Variants in GADL1 observed in about 807,000 individuals in gnomAD.
GADL1 encodes the protein acidic amino acid decarboxylase GADL1.
A neutral mutation model predicts 69.5 loss-of-function variants in GADL1; 71 were observed. The ratio of observed to expected loss-of-function variants is 1.02; its 90% CI spans 0.84 to 1.25. The LOEUF is 1.25. Among genes scored for constraint, GADL1 ranks in the 50% most tolerant of loss-of-function variants. GADL1 has a pLI of 0.00. For synonymous variants in GADL1, 254 were observed against 214.4 expected (o/e 1.18, Z -1.62); for missense variants, 737 against 631.8 (o/e 1.17, Z -1.79).
intron 14 of GADL1, among the ~76,000 whole-genome samples, chr3:30,775,082 C>T (rs954559139): frequency 1.3e-5 from 2 of 152,160 alleles, no homozygotes; most frequent in Admixed American, 6.5e-5. Flanking sequence ...GTCGTTGGAA[C>T]TCAGGCATCC....
intron 9 of GADL1, among the ~76,000 whole-genome samples, chr3:30,835,462 A>G (rs1301482265): frequency 6.6e-6 from 1 of 152,086 alleles, no homozygotes; most frequent in Non-Finnish European, 1.5e-5. Flanking sequence ...TCCTCAGAGT[A>G]TTACAAAATT....
rs150241016 is a variant in GADL1, at chr3:30,794,888, A to T, written c.1250+6001T>A. Among the ~76,000 whole-genome samples, 897 of 152,304 alleles carry T rather than the reference A, an allele frequency of 5.9e-3. 7 individuals carry two copies. The highest frequency in any genetic ancestry group is 0.02 in the Middle Eastern group (6 of 294). On this transcript the variant is annotated intron_variant, in intron 12 of 14. Transcript: ENST00000282538. ...AACTTCAAAGTTAAGCTCCATTTAG[A>T]TTCAGGAACATGGAAACATTATTTC...
intron 11 of GADL1, among the ~76,000 whole-genome samples, chr3:30,821,904 C>G (rs1697587101): frequency 6.6e-6 from 1 of 151,998 alleles, no homozygotes; most frequent in African/African-American, 2.4e-5. Flanking sequence ...CTTATCCAGT[C>G]TTCTGACCCT....
intron 6 of GADL1, among the ~76,000 whole-genome samples, chr3:30,847,903 C>A (rs1337470788): frequency 2.0e-5 from 3 of 152,180 alleles, no homozygotes; most frequent in Non-Finnish European, 4.4e-5. Flanking sequence ...CTGTTCTAGG[C>A]TTCCACGTAA....
At chr3:30,795,763 C>G (rs1013851412) in intron 12 of GADL1, among the ~76,000 whole-genome samples, 2 of 152,118 alleles carry the variant, frequency 1.3e-5, no homozygotes, top group Non-Finnish European at 2.9e-5. Flanking sequence ...AAATTACATG[C>G]CTCAAAGTAC....
At chr3:30,761,216 A>T (rs1178318352) in intron 14 of GADL1, among the ~76,000 whole-genome samples, 1 of 152,186 alleles carries the variant, frequency 6.6e-6, no homozygotes, top group East Asian at 1.9e-4. Flanking sequence ...CACATTATAT[A>T]TTGAGAGATG....
intron 11 of GADL1, among the ~76,000 whole-genome samples, chr3:30,823,059 T>C (rs556293233): frequency 3.5e-4 from 53 of 152,108 alleles, no homozygotes; most frequent in African/African-American, 1.2e-3. Context: ...TCCCACTGAA[T>C]ACAGCCAAGA....
intron 4 of GADL1, 120 bp from the exon 5 acceptor site, chr3:30,851,061 G>C: frequency 1.7e-6 from 1 of 575,848 alleles, no homozygotes; most frequent in Non-Finnish European, 3.1e-6. Flanking sequence ...GGCAGTCTTT[G>C]GAAATTTATC....
intron 1 of GADL1, among the ~76,000 whole-genome samples, chr3:30,873,197 G>A (rs116332440): frequency 9.2e-5 from 14 of 151,932 alleles, no homozygotes; most frequent in Non-Finnish European, 1.3e-4. Context: ...AAATATAATT[G>A]CACTTATAAA....
intron 14 of GADL1, among the ~76,000 whole-genome samples, chr3:30,728,778 C>T (rs1695408965): frequency 6.6e-6 from 1 of 151,974 alleles, no homozygotes; most frequent in South Asian, 2.1e-4. Context: ...TCATTAAAAA[C>T]AAATCAGGTG....
At position 30,786,388 on chromosome 3, in the gene GADL1, G is replaced by T; in HGVS notation, c.1269C>A (p.Ile423=). The change falls in exon 13 of 15, where the codon ATC becomes ATA. Residue 423 remains isoleucine (I), a synonymous_variant. Transcript: ENST00000282538. ...LALSRYLVDE[I]KKREGFKLLM... ...GTAACTTGAATCCTTCTCTTTTCTT[G>T]ATTTCATCTACTAGGTACCTAAAAT... The T allele has an allele frequency of 6.6e-7, 1 of 1,516,242 alleles. No individual in the cohort carries two copies. The highest frequency in any genetic ancestry group is 9.1e-7 in the Non-Finnish European group (1 of 1,093,164). The allele number at this position is 1,516,242 out of a possible 1,614,324, so 93.9% of individuals were successfully genotyped here. A position where few individuals can be genotyped will look rare whatever the true frequency, so the allele number is the denominator to read the frequency against.
chr3:30,784,601 C>T lies in GADL1; in HGVS notation c.1302+1754G>A, dbSNP rs78698435. ...GCTCTAGATTCTCTGGAAAGTATTT[C>T]CCAAACTTCCCTGAGGACTATTGTC... On this transcript the variant is annotated intron_variant, in intron 13 of 14. Transcript: ENST00000282538. 1.7e-3 allele frequency among the ~76,000 whole-genome samples: 266 copies of T among 152,252 alleles called. 2 individuals are homozygous for T. The highest frequency in any genetic ancestry group is 3.4e-3 in the Middle Eastern group (1 of 294).
At chr3:30,751,584 C>T (rs1296587145) in intron 14 of GADL1, among the ~76,000 whole-genome samples, 1 of 151,278 alleles carries the variant, frequency 6.6e-6, no homozygotes, top group African/African-American at 2.4e-5. Context: ...CTTTCTAGAA[C>T]TTGAGTGGAG....
intron 13 of GADL1, among the ~76,000 whole-genome samples, chr3:30,779,952 A>G (rs534811228): frequency 2.1e-4 from 32 of 152,320 alleles, no homozygotes; most frequent in Non-Finnish European, 4.1e-4. Context: ...GGTCTCCTAC[A>G]GAATCTGTGG....
intron 1 of GADL1, among the ~76,000 whole-genome samples, chr3:30,868,182 G>A (rs1314963176): frequency 6.6e-6 from 1 of 152,068 alleles, no homozygotes; most frequent in East Asian, 1.9e-4. Flanking sequence ...TTCTTCCACA[G>A]GACTGTAATC....
intron 14 of GADL1, among the ~76,000 whole-genome samples, chr3:30,770,894 A>G (rs1272213483): frequency 6.6e-6 from 1 of 152,242 alleles, no homozygotes; most frequent in African/African-American, 2.4e-5. Context: ...GCTTTTCTGG[A>G]GAGTTCAAGT....
At chr3:30,769,386 GCACACACA>G (rs142076789) in intron 14 of GADL1, among the ~76,000 whole-genome samples, 4 of 151,492 alleles carry the variant, frequency 2.6e-5, no homozygotes, top group Admixed American at 1.3e-4. Flanking sequence ...ATGCACACAC[GCACACACA>G]CACACCCAGA....
In GADL1 at chr3:30,750,774, T is replaced by G. The variant is rs543703752; in HGVS notation, c.1393-22359A>C. 9.8e-5 allele frequency among the ~76,000 whole-genome samples: 15 copies of G among 152,336 alleles called. No homozygotes were observed. The South Asian group carries it at 2.7e-3, about 27-fold the overall frequency. ...CTTCATATGGATTTCAATTCATATC[T>G]TCTTCAAACTAACTTATTTTCAGCT... On this transcript the variant is annotated intron_variant, in intron 14 of 14. Transcript: ENST00000282538.
At chr3:30,785,371 G>A (rs914919834) in intron 13 of GADL1, among the ~76,000 whole-genome samples, 2 of 138,284 alleles carry the variant, frequency 1.4e-5, no homozygotes, top group Middle Eastern at 7.1e-3. Context: ...AAAAAAGCTA[G>A]ATTTCTTTTT....
Sources: gnomAD v4.1 joint callset for allele counts (sites outside exome capture counted in the v4.1 genomes callset) on GRCh38, gnomAD v4.1.1 for gene constraint, MANE v1.5 for transcripts, NCBI Gene and HGNC (gene_info 2026-07-23, HGNC 2026-07-21) for gene names.